MYZAP: variants seen among roughly 807,000 people sequenced by gnomAD.
MYZAP encodes GRINL1A complex locus upstream.
In MYZAP, 66 loss-of-function variants were observed where a neutral mutation model predicts 69.4. The observed-to-expected ratio is 0.95, with a 90% CI of 0.78 to 1.17. MYZAP has a LOEUF of 1.17. MYZAP is among the 50% of genes most tolerant of loss of function. The pLI is 0.00. For synonymous variants in MYZAP, 256 were observed against 205.9 expected (o/e 1.24, Z -2.09); for missense variants, 611 against 556.2 (o/e 1.10, Z -0.99).
At chr15:57,623,353 C>T (rs1426073713) in intron 4 of MYZAP, among the ~76,000 whole-genome samples, 1 of 152,202 alleles carries the variant, frequency 6.6e-6, no homozygotes, top group Non-Finnish European at 1.5e-5. Context: ...TAGACTCTCA[C>T]ATATGAGGAA....
chr15:57,646,669 G>C (rs1450673831), intron 10 of MYZAP: 3 of 990,194 alleles, frequency 3.0e-6, no homozygotes, highest in Non-Finnish European at 3.6e-6. Context: ...GGAGCAGCCA[G>C]GTATCCATGT....
intron 12 of MYZAP, among the ~76,000 whole-genome samples, chr15:57,681,457 T>C (rs945601800): frequency 2.6e-5 from 4 of 152,340 alleles, no homozygotes; most frequent in Non-Finnish European, 4.4e-5. Context: ...TACCTAGCAG[T>C]GGACACAAAT....
intron 2 of MYZAP, among the ~76,000 whole-genome samples, chr15:57,616,605 C>T (rs551852841): frequency 6.6e-6 from 1 of 152,090 alleles, no homozygotes; most frequent in South Asian, 2.1e-4. Context: ...CGCTGCTCTC[C>T]AACCTGGCGA....
chr15:57,667,873 C>G (rs921692961), intron 11 of MYZAP, among the ~76,000 whole-genome samples: 2 of 152,190 alleles, frequency 1.3e-5, no homozygotes, highest in East Asian at 3.8e-4. Context: ...GAGAGAATTT[C>G]TATCACCCCA....
chr15:57,621,456 C>G, intron 3 of MYZAP, 152 bp from the exon 4 acceptor site: 1 of 629,598 alleles, frequency 1.6e-6, no homozygotes, highest in Non-Finnish European at 2.4e-6. Context: ...TTGTGATCCG[C>G]CTGCCTCGGC....
intron 2 of MYZAP, among the ~76,000 whole-genome samples, chr15:57,615,516 C>G (rs2035377977): frequency 6.6e-6 from 1 of 152,218 alleles, no homozygotes; most frequent in East Asian, 1.9e-4. Flanking sequence ...TCCTGCAAGC[C>G]AGTCCACCTC....
At chr15:57,651,976 C>T (rs909885872) in intron 10 of MYZAP, among the ~76,000 whole-genome samples, 5 of 152,102 alleles carry the variant, frequency 3.3e-5, no homozygotes, top group Admixed American at 6.5e-5. Flanking sequence ...CTCAGAACCC[C>T]GTTGCAACCG....
chr15:57,605,043 C>G (rs1307806617), intron 2 of MYZAP, among the ~76,000 whole-genome samples: 1 of 152,116 alleles, frequency 6.6e-6, no homozygotes, highest in African/African-American at 2.4e-5. Context: ...AAGTTGGAGG[C>G]TTGAAGGATA....
chr15:57,594,582 C>T (rs140577551), intron 1 of MYZAP, among the ~76,000 whole-genome samples: 147 of 152,216 alleles, frequency 9.7e-4, no homozygotes, highest in Admixed American at 6.0e-3. Flanking sequence ...GGATATATGA[C>T]GGTGGTTGGA....
chr15:57,599,811 G>A (rs563429627), intron 1 of MYZAP: 37 of 783,246 alleles, frequency 4.7e-5, no homozygotes, highest in Middle Eastern at 2.7e-4. Context: ...TTTATGGGTG[G>A]TTCAGGGGTT....
chr15:57,620,756 C>T (rs1463796223), intron 3 of MYZAP, among the ~76,000 whole-genome samples: 8 of 152,036 alleles, frequency 5.3e-5, no homozygotes, highest in Non-Finnish European at 8.8e-5. Context: ...CAGTCAGGGC[C>T]GATAGAGGGA....
At chr15:57,603,607 A>G (rs2034555401) in intron 1 of MYZAP, among the ~76,000 whole-genome samples, 3 of 152,138 alleles carry the variant, frequency 2.0e-5, no homozygotes, top group Admixed American at 1.3e-4. Flanking sequence ...CCACTGGCTT[A>G]TTTCACTTAG....
At chr15:57,656,357 A>G (rs532841006) in intron 10 of MYZAP, among the ~76,000 whole-genome samples, 1 of 152,244 alleles carries the variant, frequency 6.6e-6, no homozygotes. Flanking sequence ...GGAAACTCAC[A>G]GCCTAGGGAA....
chr15:57,614,420 G>A (rs1434836112), intron 2 of MYZAP, among the ~76,000 whole-genome samples: 1 of 152,232 alleles, frequency 6.6e-6, no homozygotes, highest in Non-Finnish European at 1.5e-5. Context: ...AGTGTCGTGG[G>A]GAAGTGCTGT....
At chr15:57,678,379 A>C (rs1053284847) in intron 12 of MYZAP, among the ~76,000 whole-genome samples, 2 of 152,174 alleles carry the variant, frequency 1.3e-5, no homozygotes, top group South Asian at 4.1e-4. Context: ...AATAAATAAA[A>C]ATAAAAATGA....
intron 8 of MYZAP, among the ~76,000 whole-genome samples, chr15:57,634,684 A>G (rs2036709621): frequency 6.6e-6 from 1 of 152,220 alleles, no homozygotes; most frequent in South Asian, 2.1e-4. Context: ...ACTGCATGAA[A>G]TTCAGTTCTG....
chr15:57,628,141 T>C (rs1278049492), intron 5 of MYZAP, among the ~76,000 whole-genome samples: 1 of 152,234 alleles, frequency 6.6e-6, no homozygotes, highest in Non-Finnish European at 1.5e-5. Flanking sequence ...TGTGAAATTG[T>C]AGATGACTGG....
At chr15:57,653,632 A>G (rs1216243234) in intron 10 of MYZAP, among the ~76,000 whole-genome samples, 1 of 152,128 alleles carries the variant, frequency 6.6e-6, no homozygotes, top group African/African-American at 2.4e-5. Context: ...GCCACATGCA[A>G]TTGAGGGCTT....
intron 12 of MYZAP, among the ~76,000 whole-genome samples, chr15:57,682,765 G>A (rs1365583192): frequency 6.6e-6 from 1 of 152,056 alleles, no homozygotes; most frequent in Non-Finnish European, 1.5e-5. Flanking sequence ...GGAGCACATG[G>A]TTTGCAGTTC....
Sources: allele counts gnomAD v4.1 joint callset (sites outside exome capture counted in the v4.1 genomes callset), GRCh38; gene constraint gnomAD v4.1.1; transcripts MANE v1.5; gene names NCBI Gene and HGNC (gene_info 2026-07-23, HGNC 2026-07-21).